Variants in RPS6KC1 observed in about 807,000 individuals in gnomAD.
RPS6KC1 encodes ribosomal protein S6 kinase C1.
Under a neutral mutation model 103.8 loss-of-function variants are expected in RPS6KC1, and 54 were observed. That is an observed-to-expected ratio of 0.52 (90% CI 0.42 to 0.65). The LOEUF (loss-of-function observed/expected upper bound fraction) is 0.65, where lower values mean the gene tolerates loss of function less well. RPS6KC1 is among the 30% of genes least tolerant of loss of function. The pLI is 0.00. For synonymous variants in RPS6KC1, 439 were observed against 438.7 expected, an observed-to-expected ratio of 1.00 and a Z score of -0.01; for missense variants, 1,151 against 1,253.8, an observed-to-expected ratio of 0.92 and a Z score of 1.24.
chr1:213,436,983 T>C, the RPS6KC1 span, among the ~76,000 whole-genome samples: 982 of 152,236 alleles, frequency 6.5e-3, 10 homozygotes, highest in Non-Finnish European at 7.8e-3. Flanking sequence ...ATCTGTAGAC[T>C]GTTTATATCT....
Position 213,266,898 on chromosome 1 carries a change from C to T in RPS6KC1, c.3090+4082C>T, listed in dbSNP as rs530928451. 8.6e-5 allele frequency among the ~76,000 whole-genome samples: 12 copies of T among 139,116 alleles called. No homozygotes were observed. The South Asian group carries it at 9.9e-4, about 12-fold the overall frequency. 91.3% of individuals were successfully genotyped at this position (139,116 alleles called of 152,430 possible). A position where few individuals can be genotyped will look rare whatever the true frequency, so the allele number is the denominator to read the frequency against. On this transcript the variant is annotated intron_variant, in intron 14 of 14. Transcript: ENST00000366960. ...AGCCTGGGCAACAATATTGAGGCTCCGTCTCAAACAAACAAACAAACAAAC... is the reference window on the plus strand; with the variant it reads ...AGCCTGGGCAACAATATTGAGGCTCTGTCTCAAACAAACAAACAAACAAAC...
the RPS6KC1 span, among the ~76,000 whole-genome samples, chr1:213,853,046 ATCCATCC>A: frequency 6.6e-6 from 1 of 152,098 alleles, no homozygotes; most frequent in African/African-American, 2.4e-5. Context: ...CATCTGGATC[ATCCATCC>A]CTCTGGAACA....
At chr1:213,237,561 AT>A in intron 10 of RPS6KC1, among the ~76,000 whole-genome samples, 1 of 152,060 alleles carries the variant, frequency 6.6e-6, no homozygotes, top group East Asian at 1.9e-4. Flanking sequence ...TGTAGGACAG[AT>A]TTTTTTCAAG....
the RPS6KC1 span, among the ~76,000 whole-genome samples, chr1:213,520,426 G>T: frequency 6.6e-6 from 1 of 152,052 alleles, no homozygotes; most frequent in African/African-American, 2.4e-5. Flanking sequence ...CTCCCACCAG[G>T]TCCCTCCCAC....
chr1:213,636,823 C>G, the RPS6KC1 span, among the ~76,000 whole-genome samples: 2 of 152,260 alleles, frequency 1.3e-5, no homozygotes, highest in African/African-American at 4.8e-5. Flanking sequence ...TCAGAGTGCA[C>G]AGGCAACCTA....
At chr1:213,805,649 CATGAGGGATGTA>C in the RPS6KC1 span, among the ~76,000 whole-genome samples, 4 of 152,174 alleles carry the variant, frequency 2.6e-5, no homozygotes, top group African/African-American at 9.7e-5. Flanking sequence ...CAAAGTCATC[CATGAGGGATGTA>C]ATCAGCTTCT....
chr1:213,279,785 A>G, the RPS6KC1 span, among the ~76,000 whole-genome samples: 9 of 152,214 alleles, frequency 5.9e-5, no homozygotes, highest in Admixed American at 5.9e-4. Flanking sequence ...TTATTTCCAA[A>G]TAAAAGCTTT....
chr1:213,110,066 T>C (rs1022171786), intron 4 of RPS6KC1, among the ~76,000 whole-genome samples: 20 of 152,298 alleles, frequency 1.3e-4, no homozygotes, highest in African/African-American at 4.8e-4. Context: ...TTGATCCTTT[T>C]TTATAATTTT....
At chr1:213,500,184 A>G in the RPS6KC1 span, among the ~76,000 whole-genome samples, 1 of 152,240 alleles carries the variant, frequency 6.6e-6, no homozygotes, top group Admixed American at 6.5e-5. Context: ...TTTTTAAAAT[A>G]TCCTTATTCT....
chr1:213,228,561 CAA>C (rs554202956), intron 8 of RPS6KC1, among the ~76,000 whole-genome samples: 3 of 124,142 alleles, frequency 2.4e-5, no homozygotes, highest in Non-Finnish European at 1.8e-5. Flanking sequence ...CCCTGTCTTA[CAA>C]AAAAAAAAAA....
chr1:213,457,120 G>A, the RPS6KC1 span, among the ~76,000 whole-genome samples: 2 of 152,192 alleles, frequency 1.3e-5, no homozygotes, highest in South Asian at 4.1e-4. Flanking sequence ...CCCTATATCT[G>A]TGAGGGCTGG....
At chr1:213,613,425 T>C in the RPS6KC1 span, among the ~76,000 whole-genome samples, 2 of 152,200 alleles carry the variant, frequency 1.3e-5, no homozygotes, top group Non-Finnish European at 2.9e-5. Flanking sequence ...CAAGCTCCAG[T>C]TAACACTTAA....
chr1:213,486,101 G>A, the RPS6KC1 span, among the ~76,000 whole-genome samples: 28 of 152,128 alleles, frequency 1.8e-4, no homozygotes, highest in Non-Finnish European at 2.5e-4. Flanking sequence ...CAGCAGGCAC[G>A]CACACAACAC....
chr1:213,536,749 C>A, the RPS6KC1 span, among the ~76,000 whole-genome samples: 8 of 152,198 alleles, frequency 5.3e-5, no homozygotes, highest in Non-Finnish European at 1.2e-4. Context: ...CTCCAGTGCC[C>A]CCAACTGGGA....
the RPS6KC1 span, among the ~76,000 whole-genome samples, chr1:213,686,458 AGTT>A: frequency 8.5e-5 from 13 of 152,172 alleles, no homozygotes; most frequent in African/African-American, 3.1e-4. Context: ...CTAAGGAAAT[AGTT>A]GTTGCTAAAT....
intron 3 of RPS6KC1, among the ~76,000 whole-genome samples, chr1:213,084,576 GA>G (rs1195958125): frequency 6.6e-6 from 1 of 152,190 alleles, no homozygotes; most frequent in African/African-American, 2.4e-5. Context: ...ATTTAATATT[GA>G]TACAATACTT....
At chr1:213,365,197 C>G in the RPS6KC1 span, among the ~76,000 whole-genome samples, 33 of 152,344 alleles carry the variant, frequency 2.2e-4, no homozygotes, top group African/African-American at 7.0e-4. Flanking sequence ...ATTGTGTAAT[C>G]TCACATCAAA....
At chr1:213,363,603 T>TTG in the RPS6KC1 span, among the ~76,000 whole-genome samples, 47 of 71,790 alleles carry the variant, frequency 6.5e-4, 7 homozygotes, top group African/African-American at 2.7e-3. Flanking sequence ...CCTTGCTCGC[T>TTG]CGCTTGCTTG....
At chr1:213,218,504 G>T (rs1325283098) in intron 8 of RPS6KC1, among the ~76,000 whole-genome samples, 2 of 152,232 alleles carry the variant, frequency 1.3e-5, no homozygotes, top group East Asian at 3.9e-4. Context: ...TTTCTTCACA[G>T]AATTGGAAAA....
Sources: allele counts gnomAD v4.1 joint callset (sites outside exome capture counted in the v4.1 genomes callset), GRCh38; gene constraint gnomAD v4.1.1; transcripts MANE v1.5; gene names NCBI Gene and HGNC (gene_info 2026-07-23, HGNC 2026-07-21).